SFTPD: variants seen among roughly 807,000 people sequenced by gnomAD.
The protein encoded by SFTPD is pulmonary surfactant-associated protein D.
Under a neutral mutation model 34.6 loss-of-function variants are expected in SFTPD, and 18 were observed. The observed-to-expected ratio is 0.52, with a 90% CI of 0.36 to 0.77. SFTPD has a LOEUF of 0.77. SFTPD is among the 30% of genes least tolerant of loss of function. The pLI is 0.00. For synonymous variants in SFTPD, 155 were observed against 180.9 expected (o/e 0.86, Z 1.15); for missense variants, 433 against 468.9 (o/e 0.92, Z 0.71).
intron 2 of SFTPD, among the ~76,000 whole-genome samples, chr10:79,944,846 A>G (rs1416271187): frequency 6.6e-6 from 1 of 152,026 alleles, no homozygotes; most frequent in Non-Finnish European, 1.5e-5. Flanking sequence ...CCCCTGCTCA[A>G]AGATCTCTTC....
At chr10:79,980,637 G>A (rs1028190213) in intron 1 of SFTPD, among the ~76,000 whole-genome samples, 2 of 152,214 alleles carry the variant, frequency 1.3e-5, no homozygotes, top group African/African-American at 4.8e-5. Flanking sequence ...GACTTTGTCT[G>A]TTTGGGAGAA....
chr10:79,949,637 T>C (rs1013438080), upstream of SFTPD, among the ~76,000 whole-genome samples: 1 of 152,194 alleles, frequency 6.6e-6, no homozygotes, highest in Admixed American at 6.5e-5. Context: ...AGCTGCCACC[T>C]GGAAAGAGTT....
intron 1 of SFTPD, among the ~76,000 whole-genome samples, chr10:79,965,998 T>G: frequency 3.3e-5 from 1 of 30,278 alleles, no homozygotes; most frequent in Non-Finnish European, 5.2e-5. Flanking sequence ...GACATTTGGG[T>G]TGGTTCCAAG....
chr10:79,967,895 C>T lies in SFTPD; in HGVS notation c.36+14680G>A, dbSNP rs377171470. ...CCCGCCCCTGCCTGCCAGAGAACAA[C>T]CCCCTTTGACTGTAATTTTCCACTA... On this transcript the variant is annotated intron_variant, in intron 1 of 5. Transcript: ENST00000444384. Among the ~76,000 whole-genome samples the T allele has an allele frequency of 9.0e-4, 136 of 151,382 alleles. 1 individual carries two copies. The highest frequency in any genetic ancestry group is 3.4e-3 in the Middle Eastern group (1 of 290).
chr10:79,971,291 G>A (rs892787356), intron 1 of SFTPD: 2 of 152,196 alleles, frequency 1.3e-5, no homozygotes, highest in South Asian at 2.1e-4. Flanking sequence ...TTGCATCTCT[G>A]TTCATCAGAA....
chr10:79,981,967 C>T, intron 1 of SFTPD: 1 of 313,708 alleles, frequency 3.2e-6, no homozygotes. Context: ...TCCTTGTCTC[C>T]CGTGCCCGCG....
intron 1 of SFTPD, among the ~76,000 whole-genome samples, chr10:79,975,308 G>A (rs1564536194): frequency 6.6e-6 from 1 of 152,132 alleles, no homozygotes; most frequent in South Asian, 2.1e-4. Context: ...AGCTTCAGCT[G>A]GTAAATAAAA....
intron 1 of SFTPD, among the ~76,000 whole-genome samples, chr10:79,956,904 T>A (rs904886232): frequency 6.6e-6 from 1 of 152,096 alleles, no homozygotes; most frequent in Non-Finnish European, 1.5e-5. Context: ...CACCCCCCAG[T>A]AGGGACAGAC....
rs559102505 is a variant in SFTPD at position 79,967,573 on chromosome 10, C to G, written c.36+15002G>C. Among the ~76,000 whole-genome samples the G allele has an allele frequency of 3.5e-5, 5 of 144,212 alleles. 2 individuals carry two copies. In the East Asian group the frequency reaches 1.3e-3, roughly 38 times the overall value. 94.6% of individuals were successfully genotyped at this position (144,212 alleles called of 152,430 possible). A position where few individuals can be genotyped will look rare whatever the true frequency, so the allele number is the denominator to read the frequency against. Reference sequence around the variant, plus strand: ...AATTATACTACAAGGCTACAGTAACCAAAACAGCATGGTACTGGTACCAAA... The same window carrying G: ...AATTATACTACAAGGCTACAGTAACGAAAACAGCATGGTACTGGTACCAAA... On this transcript the variant is annotated intron_variant, in intron 1 of 5. Transcript: ENST00000444384.
intron 1 of SFTPD, among the ~76,000 whole-genome samples, chr10:79,978,035 G>A (rs56198683): frequency 2.0e-5 from 3 of 152,162 alleles, no homozygotes; most frequent in Admixed American, 1.3e-4. Context: ...ACCACTTGCA[G>A]TCTGTTTACC....
intron 1 of SFTPD, among the ~76,000 whole-genome samples, chr10:79,958,798 T>C (rs1842755326): frequency 6.6e-6 from 1 of 152,180 alleles, no homozygotes; most frequent in South Asian, 2.1e-4. Context: ...GCAGACCTAA[T>C]AGACAACTAC....
rs1158526986 is a variant in SFTPD, at chr10:79,942,017, C to T, written c.487G>A (p.Gly163Ser). 1.9e-6 allele frequency: 3 copies of T among 1,614,076 alleles called. No individual in the cohort carries two copies. The highest frequency in any genetic ancestry group is 1.7e-6 in the Non-Finnish European group (2 of 1,179,988). The change falls in exon 5 of 8, where the codon GGC (glycine) becomes AGC (serine). Residue 163 changes from glycine to serine, a missense_variant. Gly to Ser is a moderately conservative substitution (Grantham distance 56). Coordinates refer to ENST00000372292, the MANE Select transcript of SFTPD (RefSeq NM_003019.5). The part of the protein sequence containing the change: ...QGSAGARGLA[G>S]PKGERGVPGE... ...GGGACACCTCGCTCTCCCTTAGGGC[C>T]TGCGAGGCCTCTTGCCCCTGCCGAG... is the stretch of plus-strand genomic sequence containing the variant.
chr10:79,940,144 C>T (rs575291332), intron 7 of SFTPD, among the ~76,000 whole-genome samples: 1 of 152,226 alleles, frequency 6.6e-6, no homozygotes, highest in Non-Finnish European at 1.5e-5. Flanking sequence ...AGTCCTAGTT[C>T]CCAGAACAGT....
intron 2 of SFTPD, 41 bp from the exon 3 acceptor site, chr10:79,942,920 C>G: frequency 3.0e-6 from 4 of 1,342,664 alleles, no homozygotes; most frequent in Non-Finnish European, 3.2e-6. Context: ...TGGCCCTAGA[C>G]CCAGAAAGGG....
At chr10:79,938,415 T>C (rs1842579151) in intron 7 of SFTPD, among the ~76,000 whole-genome samples, 187 bp from the exon 8 acceptor site, 1 of 152,050 alleles carries the variant, frequency 6.6e-6, no homozygotes, top group African/African-American at 2.4e-5. Context: ...CCCTGTGAGG[T>C]GACACCATGA....
intron 7 of SFTPD, among the ~76,000 whole-genome samples, chr10:79,939,676 CAGAA>C (rs966945498): frequency 6.6e-6 from 1 of 152,170 alleles, no homozygotes; most frequent in Non-Finnish European, 1.5e-5. Context: ...AGAGCATATG[CAGAA>C]AGAGATATAT....
At chr10:79,975,943 C>T (rs1842862057) in intron 1 of SFTPD, among the ~76,000 whole-genome samples, 1 of 152,174 alleles carries the variant, frequency 6.6e-6, no homozygotes. Flanking sequence ...CCAGGTGTTC[C>T]TTGCCCTCAT....
upstream of SFTPD, among the ~76,000 whole-genome samples, chr10:79,949,286 A>G (rs985648197): frequency 3.3e-5 from 5 of 152,152 alleles, no homozygotes; most frequent in Non-Finnish European, 5.9e-5. Context: ...ATCCATCACT[A>G]TAGTTTGCAG....
intron 1 of SFTPD, among the ~76,000 whole-genome samples, chr10:79,947,460 CG>C (rs1842677091): frequency 6.6e-6 from 1 of 152,132 alleles, no homozygotes; most frequent in South Asian, 2.1e-4. Flanking sequence ...GAGGCCGAGG[CG>C]GGCAGATCAC....
Sources: allele counts gnomAD v4.1 joint callset (sites outside exome capture counted in the v4.1 genomes callset), GRCh38; gene constraint gnomAD v4.1.1; transcripts MANE v1.5; gene names NCBI Gene and HGNC (gene_info 2026-07-23, HGNC 2026-07-21).